The following SYTL2 variants were observed in gnomAD, a reference collection of about 807,000 sequenced individuals.
SYTL2 encodes the protein synaptotagmin-like protein 2.
A neutral mutation model predicts 198.7 loss-of-function variants in SYTL2; 165 were observed. That is an observed-to-expected ratio of 0.83 (90% CI 0.73 to 0.94). The LOEUF (loss-of-function observed/expected upper bound fraction) is 0.94, where lower values mean the gene tolerates loss of function less well. SYTL2 is among the 40% of genes least tolerant of loss of function. The pLI, the probability that SYTL2 is intolerant of heterozygous loss-of-function variation, is 0.00. For synonymous variants in SYTL2, 966 were observed against 917.7 expected (o/e 1.05, Z -0.95); for missense variants, 2,835 against 2,582.8 (o/e 1.10, Z -2.12).
At chr11:85,762,625 A>G (rs2092129454) in intron 1 of SYTL2, among the ~76,000 whole-genome samples, 1 of 152,104 alleles carries the variant, frequency 6.6e-6, no homozygotes. Flanking sequence ...GAAATTTTCC[A>G]GTTCTTCTTG....
At chr11:85,789,053 G>A (rs1263771082) in intron 1 of SYTL2, among the ~76,000 whole-genome samples, 5 of 151,334 alleles carry the variant, frequency 3.3e-5, no homozygotes, top group African/African-American at 1.2e-4. Flanking sequence ...GGCATATCTT[G>A]CAAACCTCAA....
intron 1 of SYTL2, among the ~76,000 whole-genome samples, chr11:85,765,385 T>C (rs1387796889): frequency 1.3e-5 from 2 of 152,154 alleles, no homozygotes; most frequent in Non-Finnish European, 2.9e-5. Flanking sequence ...TATAGGCACC[T>C]GCCACCATGC....
intron 1 of SYTL2, among the ~76,000 whole-genome samples, chr11:85,806,517 A>G (rs2092960834): frequency 6.6e-6 from 1 of 152,204 alleles, no homozygotes. Context: ...TACCTTCCCC[A>G]AAATTCCCTT....
chr11:85,853,083 CG>C, the SYTL2 span: 1 of 259,510 alleles, frequency 3.9e-6, no homozygotes, highest in Non-Finnish European at 7.4e-6. Flanking sequence ...TCCGGGAGGT[CG>C]GGGGCGCCTC....
chr11:85,747,661 T>C (rs1306374234), intron 3 of SYTL2, among the ~76,000 whole-genome samples: 3 of 152,156 alleles, frequency 2.0e-5, no homozygotes, highest in Admixed American at 2.0e-4. Context: ...GCTAACAGGC[T>C]CTTGAATATA....
At chr11:85,733,232 T>C (rs1037210544) in intron 7 of SYTL2, among the ~76,000 whole-genome samples, 5 of 152,214 alleles carry the variant, frequency 3.3e-5, no homozygotes, top group Non-Finnish European at 7.3e-5. Flanking sequence ...TCTGGTAAAA[T>C]TGTAATTAAT....
chr11:85,743,279 C>G (rs1013245382), intron 4 of SYTL2, among the ~76,000 whole-genome samples: 1 of 152,132 alleles, frequency 6.6e-6, no homozygotes, highest in African/African-American at 2.4e-5. Flanking sequence ...GAACTTGATA[C>G]TGAGTAAGGT....
At chr11:85,798,405 G>A (rs2092835832) in intron 1 of SYTL2, among the ~76,000 whole-genome samples, 1 of 152,162 alleles carries the variant, frequency 6.6e-6, no homozygotes, top group Admixed American at 6.5e-5. Flanking sequence ...CTTCTCTTAT[G>A]TAAAGACCAA....
chr11:85,830,495 T>C, the SYTL2 span, among the ~76,000 whole-genome samples: 42 of 152,180 alleles, frequency 2.8e-4, no homozygotes, highest in Non-Finnish European at 4.7e-4. Context: ...GCTCCAGACA[T>C]ATCCCCTTGT....
At chr11:85,833,185 A>G in the SYTL2 span, among the ~76,000 whole-genome samples, 4 of 148,760 alleles carry the variant, frequency 2.7e-5, no homozygotes, top group East Asian at 5.8e-4. Context: ...GAAAGAAACA[A>G]AGAAAAAATA....
chr11:85,795,402 A>G (rs1463967622), intron 1 of SYTL2, among the ~76,000 whole-genome samples: 2 of 152,180 alleles, frequency 1.3e-5, no homozygotes, highest in East Asian at 3.9e-4. Context: ...TGGGCAGCAG[A>G]AAAGGCCAGA....
At chr11:85,798,404 T>C (rs926794549) in intron 1 of SYTL2, among the ~76,000 whole-genome samples, 11 of 152,224 alleles carry the variant, frequency 7.2e-5, no homozygotes, top group African/African-American at 9.6e-5. Context: ...CCTTCTCTTA[T>C]GTAAAGACCA....
intron 1 of SYTL2, among the ~76,000 whole-genome samples, chr11:85,777,963 G>C (rs1178305599): frequency 6.6e-6 from 1 of 151,722 alleles, no homozygotes; most frequent in African/African-American, 2.4e-5. Context: ...GGGACTACAG[G>C]TGCCCACCAC....
At chr11:85,744,631 C>T (rs895064352) in intron 4 of SYTL2, among the ~76,000 whole-genome samples, 1 of 152,192 alleles carries the variant, frequency 6.6e-6, no homozygotes, top group South Asian at 2.1e-4. Flanking sequence ...CATATACCCT[C>T]CCTGACACCT....
intron 16 of SYTL2, among the ~76,000 whole-genome samples, chr11:85,702,009 G>T (rs557571160): frequency 1.9e-4 from 29 of 152,266 alleles, no homozygotes; most frequent in South Asian, 6.2e-4. Flanking sequence ...GTTTCATGAG[G>T]CTGGGGAGAC....
chr11:85,772,565 C>G (rs1313052764), intron 1 of SYTL2, among the ~76,000 whole-genome samples: 1 of 152,196 alleles, frequency 6.6e-6, no homozygotes, highest in African/African-American at 2.4e-5. Context: ...CTGTCATATT[C>G]CAGAAGGACC....
intron 9 of SYTL2, 28 bp downstream of exon 9, chr11:85,720,830 T>C: frequency 1.3e-6 from 2 of 1,524,974 alleles, no homozygotes; most frequent in Non-Finnish European, 1.8e-6. Flanking sequence ...AGATGGGGCA[T>C]GAACAGTGAG....
At chr11:85,748,028 C>T (rs1024738755) in intron 3 of SYTL2, among the ~76,000 whole-genome samples, 3 of 152,108 alleles carry the variant, frequency 2.0e-5, no homozygotes, top group Admixed American at 2.0e-4. Flanking sequence ...ACTATCTATG[C>T]TACTATAATT....
intron 1 of SYTL2, among the ~76,000 whole-genome samples, chr11:85,795,889 C>G (rs1223107345): frequency 6.6e-6 from 1 of 151,888 alleles, no homozygotes; most frequent in Non-Finnish European, 1.5e-5. Flanking sequence ...TCTGGAAATC[C>G]CAAAGGACTC....
Sources: allele counts gnomAD v4.1 joint callset (sites outside exome capture counted in the v4.1 genomes callset), GRCh38; gene constraint gnomAD v4.1.1; transcripts MANE v1.5; gene names NCBI Gene and HGNC (gene_info 2026-07-23, HGNC 2026-07-21).